Variants in CDADC1 observed in about 807,000 individuals in gnomAD.
CDADC1 encodes cytidine and dCMP deaminase domain containing 1, also known as dCTP deaminase.
CDADC1 carries 39 observed loss-of-function variants against 54.9 expected under a neutral mutation model. The ratio of observed to expected loss-of-function variants is 0.71; its 90% CI spans 0.55 to 0.93. CDADC1 has a LOEUF of 0.93. Among genes scored for constraint, CDADC1 ranks in the 40% least tolerant of loss-of-function variants. The probability of loss-of-function intolerance (pLI) is 0.00; values close to 1 mark genes in which losing one functional copy is unlikely to be tolerated. For missense variants in CDADC1, 518 were observed against 618.8 expected (o/e 0.84, Z 1.73); for synonymous variants, 186 against 204.0 (o/e 0.91, Z 0.75).
At chr13:49,282,350 C>T (rs1310990620) in intron 8 of CDADC1, among the ~76,000 whole-genome samples, 1 of 149,458 alleles carries the variant, frequency 6.7e-6, no homozygotes, top group Non-Finnish European at 1.5e-5. Flanking sequence ...TGGGCTCAAG[C>T]GATCTGCCTG....
chr13:49,265,476 C>T (rs1298396606), intron 4 of CDADC1, among the ~76,000 whole-genome samples: 1 of 152,128 alleles, frequency 6.6e-6, no homozygotes, highest in African/African-American at 2.4e-5. Context: ...TGTCCTTCCA[C>T]TCTTCTTAAT....
intron 4 of CDADC1, 29 bp from the exon 5 acceptor site, chr13:49,267,461 A>G (rs745690142): frequency 3.8e-6 from 6 of 1,570,328 alleles, no homozygotes; most frequent in South Asian, 1.2e-5. Flanking sequence ...CATGTATCTC[A>G]TAATTACCTT....
At chr13:49,261,837 T>C (rs1439694793) in intron 4 of CDADC1, among the ~76,000 whole-genome samples, 1 of 152,192 alleles carries the variant, frequency 6.6e-6, no homozygotes, top group African/African-American at 2.4e-5. Context: ...CACTGCTTGA[T>C]GTCTTAAGAC....
In CDADC1 at chr13:49,267,676, CCT is replaced by C; in HGVS notation, c.620_621del (p.Ser207LeufsTer4). On this transcript the variant is annotated frameshift_variant, in exon 5 of 10. Coordinates refer to ENST00000251108, the MANE Select transcript of CDADC1 (RefSeq NM_030911.4). LOFTEE classifies it high-confidence loss of function. ...TATATGGTGCAGTTTGTAGAGGAGA[CCT>C]CTTACAAATGTGACTTTATTCAAAA... The C allele has an allele frequency of 6.2e-7, 1 of 1,613,550 alleles. No homozygotes were observed. The highest frequency in any genetic ancestry group is 8.5e-7 in the Non-Finnish European group (1 of 1,179,814).
intron 2 of CDADC1, among the ~76,000 whole-genome samples, chr13:49,254,346 A>G (rs1386595260): frequency 2.0e-5 from 3 of 150,720 alleles, no homozygotes; most frequent in Admixed American, 6.6e-5. Flanking sequence ...GCAGGTCAAC[A>G]TTTACAAAGT....
intron 4 of CDADC1, among the ~76,000 whole-genome samples, chr13:49,260,111 A>T (rs1350407755): frequency 3.9e-5 from 6 of 152,158 alleles, no homozygotes; most frequent in Non-Finnish European, 8.8e-5. Flanking sequence ...TAAAATAAAA[A>T]ATATGTAAAT....
intron 5 of CDADC1, among the ~76,000 whole-genome samples, chr13:49,268,666 A>G (rs1315892893): frequency 6.6e-6 from 1 of 152,146 alleles, no homozygotes; most frequent in East Asian, 1.9e-4. Context: ...CTCTATCTCC[A>G]AAAAAAGAAA....
At chr13:49,256,089 G>T (rs1166710088) in intron 3 of CDADC1, among the ~76,000 whole-genome samples, 176 bp downstream of exon 3, 2 of 123,480 alleles carry the variant, frequency 1.6e-5, no homozygotes, top group African/African-American at 2.9e-5. Flanking sequence ...AAAAAAAAAA[G>T]TACAGATGGG....
At chr13:49,256,077 T>TA (rs139661446) in intron 3 of CDADC1, among the ~76,000 whole-genome samples, 164 bp downstream of exon 3, 100,577 of 139,286 alleles carry the variant, frequency 0.72, 33,899 homozygotes, top group Admixed American at 0.77. Context: ...CTCCTTTTTT[T>TA]TAAAAAAAAA....
Position 49,267,583 on chromosome 13 carries a change from A to C in CDADC1, c.524A>C (p.Lys175Thr), listed in dbSNP as rs922950922. ...TCTGAAGATGCAAAGTTAGATGCCA[A>C]AGCAGTGGAAAGATTGAAGTCAAAC... ...SSSEDAKLDA[K>T]AVERLKSNSR... Residue 175 changes from lysine to threonine, a missense_variant, in exon 5 of 10, where the codon AAA becomes ACA. By Grantham distance (78) the Lys-to-Thr change is moderately conservative. Transcript: ENST00000251108. The C allele has an allele frequency of 1.1e-5, 18 of 1,614,036 alleles. No individual in the cohort carries two copies. The highest frequency in any genetic ancestry group is 1.4e-5 in the Non-Finnish European group (17 of 1,180,030).
At chr13:49,264,524 C>T (rs1182715743) in intron 4 of CDADC1, among the ~76,000 whole-genome samples, 13 of 147,400 alleles carry the variant, frequency 8.8e-5, no homozygotes, top group Non-Finnish European at 1.6e-4. Flanking sequence ...CCAAGACCAG[C>T]CTGGGCAACA....
chr13:49,268,267 C>G (rs573081552), intron 5 of CDADC1, among the ~76,000 whole-genome samples: 9 of 152,328 alleles, frequency 5.9e-5, no homozygotes, highest in Admixed American at 5.9e-4. Flanking sequence ...TTCAGTACCA[C>G]ATTTCTACAT....
chr13:49,291,779 G>A lies in CDADC1; in HGVS notation c.*22G>A. 1.2e-6 allele frequency: 2 copies of A among 1,606,178 alleles called. No individual in the cohort carries two copies. Among genetic ancestry groups the A allele is most frequent in the Non-Finnish European group, 1.7e-6 (2 of 1,177,792 alleles). On this transcript the variant is annotated 3_prime_UTR_variant, in exon 10 of 10. Coordinates refer to ENST00000251108, the MANE Select transcript of CDADC1 (RefSeq NM_030911.4). ...CTAAGAAGGCCTGTCTACACTGCAG[G>A]GGAACCTCAAGAACTTTTCATTGCA...
chr13:49,278,770 A>T (rs1953223709), intron 7 of CDADC1, among the ~76,000 whole-genome samples: 1 of 152,028 alleles, frequency 6.6e-6, no homozygotes, highest in East Asian at 1.9e-4. Flanking sequence ...CCAATATGAA[A>T]CTGCTTTAAG....
chr13:49,277,121 TTAATAG>T (rs1478774144), intron 6 of CDADC1, among the ~76,000 whole-genome samples: 1 of 152,072 alleles, frequency 6.6e-6, no homozygotes, highest in Non-Finnish European at 1.5e-5. Context: ...AACAGTAATA[TTAATAG>T]TATCACTCTT....
At chr13:49,283,804 C>A (rs1384689567) in intron 8 of CDADC1, among the ~76,000 whole-genome samples, 1 of 152,204 alleles carries the variant, frequency 6.6e-6, no homozygotes. Context: ...GTTCTCTGTT[C>A]TACCTCCAGT....
At chr13:49,264,906 AG>A (rs1952781119) in intron 4 of CDADC1, among the ~76,000 whole-genome samples, 1 of 152,226 alleles carries the variant, frequency 6.6e-6, no homozygotes. Context: ...TTTTACAAAT[AG>A]GGAAACTGAG....
intron 5 of CDADC1, among the ~76,000 whole-genome samples, chr13:49,270,637 C>G (rs1022370164): frequency 1.3e-5 from 2 of 152,142 alleles, no homozygotes; most frequent in African/African-American, 4.8e-5. Flanking sequence ...AATATTTGCA[C>G]TAAGAATAAT....
intron 5 of CDADC1, among the ~76,000 whole-genome samples, chr13:49,272,410 C>T (rs1038292742): frequency 2.6e-5 from 4 of 152,148 alleles, no homozygotes; most frequent in Non-Finnish European, 4.4e-5. Context: ...ACCAAAATCC[C>T]TTTTCCCTCT....
Sources: gnomAD v4.1 joint callset for allele counts (sites outside exome capture counted in the v4.1 genomes callset) on GRCh38, gnomAD v4.1.1 for gene constraint, MANE v1.5 for transcripts, NCBI Gene and HGNC (gene_info 2026-07-23, HGNC 2026-07-21) for gene names.